The following GPRC5C variants were observed in gnomAD, a reference collection of about 807,000 sequenced individuals.
The protein encoded by GPRC5C is G protein-coupled receptor family C group 5 member C.
In GPRC5C, 22 loss-of-function variants were observed where a neutral mutation model predicts 31.4. The ratio of observed to expected loss-of-function variants is 0.70; its 90% CI spans 0.50 to 1.00. The LOEUF is 1.00. GPRC5C is among the 50% of genes least tolerant of loss of function. GPRC5C has a pLI of 0.00. For missense variants in GPRC5C, 557 were observed against 597.2 expected (o/e 0.93, Z 0.70); for synonymous variants, 249 against 257.5 (o/e 0.97, Z 0.32).
chr17:74,449,550 G>A (rs1005643129), downstream of GPRC5C: 16 of 316,400 alleles, frequency 5.1e-5, no homozygotes, highest in Admixed American at 6.7e-4. Flanking sequence ...AGCGCCTAGG[G>A]CCACCTCCCT....
Position 74,439,680 on chromosome 17 carries a change from A to G in GPRC5C, c.-32-65A>G, listed in dbSNP as rs541379055. The stretch of plus-strand genomic sequence containing the variant: ...TGCCTGGGTTTAGGTTGGGGGAAGC[A>G]GCACCATGTATATTGGAGTCTGATC... On this transcript the variant is annotated intron_variant, in intron 1 of 3. Coordinates refer to ENST00000392627, the MANE Select transcript of GPRC5C (RefSeq NM_022036.4). 1.1e-5 allele frequency: 16 copies of G among 1,456,192 alleles called. No individual in the cohort carries two copies. In the East Asian group the frequency reaches 3.0e-4, roughly 27 times the overall value. 90.2% of individuals were successfully genotyped at this position (1,456,192 alleles called of 1,614,324 possible).
rs1290023415 is a variant in GPRC5C, at chr17:74,438,248, TATATTTG to T, written c.-32-1496_-32-1490del. 1.1e-3 allele frequency among the ~76,000 whole-genome samples: 124 copies of T among 114,150 alleles called. 1 individual carries two copies. Among genetic ancestry groups the T allele is most frequent in the African/African-American group, 4.2e-3 (94 of 22,424 alleles). 74.9% of individuals were successfully genotyped at this position (114,150 alleles called of 152,430 possible). ...ATATATATATATATATATATATATA[TATATTTG>T]TTGTTGTTGTTGTTGTTTGTTTTCA... On this transcript the variant is annotated intron_variant, in intron 1 of 3. Transcript: ENST00000392627.
intron 1 of GPRC5C, among the ~76,000 whole-genome samples, chr17:74,438,227 A>ATG (rs2055468252): frequency 9.0e-6 from 1 of 111,730 alleles, no homozygotes; most frequent in Non-Finnish European, 1.6e-5. Context: ...ATATATATAT[A>ATG]TATATATATA....
At chr17:74,433,600 G>A in intron 1 of GPRC5C, 2 of 900,516 alleles carry the variant, frequency 2.2e-6, no homozygotes, top group East Asian at 2.4e-5. Flanking sequence ...ACCGATAGGA[G>A]TGGAGGCAGG....
Position 74,443,899 on chromosome 17 carries a change from T to C in GPRC5C, c.1133T>C (p.Met378Thr), listed in dbSNP as rs1237761177. The change falls in exon 3 of 4, where the codon ATG becomes ACG. Residue 378 changes from methionine (M) to threonine (T), a missense_variant. Met to Thr is a moderately conservative substitution (Grantham distance 81). Coordinates refer to ENST00000392627, the MANE Select transcript of GPRC5C (RefSeq NM_022036.4). ...SVYQPTEMAL[M>T]HKVPSEGAYD... is the part of the protein sequence containing the mutation. ...TACCAGCCCACTGAGATGGCCCTGA[T>C]GCACAAAGTTCCGGTAAGTGGGTTC... 3 of 1,611,056 alleles carry C rather than the reference T, an allele frequency of 1.9e-6. No homozygotes were observed. Among genetic ancestry groups the C allele is most frequent in the Non-Finnish European group, 2.5e-6 (3 of 1,177,500 alleles).
intron 2 of GPRC5C, among the ~76,000 whole-genome samples, chr17:74,441,214 T>A (rs956786472): frequency 6.6e-6 from 1 of 151,446 alleles, no homozygotes; most frequent in Non-Finnish European, 1.5e-5. Context: ...GAGGCGGAGG[T>A]TGCAGTGAGC....
At chr17:74,449,332 T>C, downstream of GPRC5C, 1 of 1,301,110 alleles carries the variant, frequency 7.7e-7, no homozygotes, top group Non-Finnish European at 1.0e-6. Context: ...CTGGTCACTT[T>C]AGGCTCAGTC....
At position 74,433,762 on chromosome 17, in the gene GPRC5C, G is replaced by T. The variant is rs750304963; in HGVS notation, c.-33+1621G>T. On this transcript the variant is annotated intron_variant, in intron 1 of 3. Transcript: ENST00000392627. ...GAAGACAGCCATTGGCCATGGGTCA[G>T]TGTTGAGTTTGGTTGGCCCTGTGAC... is the stretch of plus-strand genomic sequence containing the variant. 8 of 1,610,502 alleles carry T rather than the reference G, an allele frequency of 5.0e-6. No homozygotes were observed. In the Middle Eastern group the frequency reaches 9.9e-4, roughly 200 times the overall value.
At chr17:74,441,965 GTTTTCTT>G (rs1472988759) in intron 2 of GPRC5C, among the ~76,000 whole-genome samples, 5 of 152,200 alleles carry the variant, frequency 3.3e-5, no homozygotes, top group African/African-American at 9.6e-5. Flanking sequence ...AATCACCTTA[GTTTTCTT>G]TAAAAGGAAG....
intron 1 of GPRC5C, among the ~76,000 whole-genome samples, chr17:74,435,048 T>C (rs1211963216): frequency 3.3e-5 from 5 of 150,104 alleles, no homozygotes; most frequent in Admixed American, 6.7e-5. Flanking sequence ...TGAAACCCCG[T>C]CTCTACTAAA....
At chr17:74,445,501 G>T (rs1461708715) in intron 3 of GPRC5C, 1 of 152,874 alleles carries the variant, frequency 6.5e-6, no homozygotes, top group Non-Finnish European at 1.5e-5. Flanking sequence ...TGGGGACTGT[G>T]TAGGGTCCAG....
intron 3 of GPRC5C, among the ~76,000 whole-genome samples, chr17:74,444,602 A>C (rs2055597433): frequency 1.3e-5 from 2 of 152,006 alleles, no homozygotes; most frequent in South Asian, 4.1e-4. Flanking sequence ...TGGCGTTCTC[A>C]TCCCCCTCCC....
At chr17:74,432,351 C>A (rs1178292968) in intron 1 of GPRC5C, 2 of 1,412,720 alleles carry the variant, frequency 1.4e-6, no homozygotes, top group Non-Finnish European at 1.8e-6. Flanking sequence ...GGCTCAGCCT[C>A]GGTCCCAGGG....
chr17:74,440,161 A>G lies in GPRC5C; in HGVS notation c.385A>G (p.Ile129Val), dbSNP rs1309691304. 14 of 1,614,052 alleles carry G rather than the reference A, an allele frequency of 8.7e-6. No homozygotes were observed. In the Admixed American group the frequency reaches 1.8e-4, roughly 21 times the overall value. Residue 129 changes from isoleucine to valine, a missense_variant, in exon 2 of 4, where the codon ATC (isoleucine) becomes GTC (valine). Ile to Val is a conservative substitution (Grantham distance 29). Coordinates refer to ENST00000392627, the MANE Select transcript of GPRC5C (RefSeq NM_022036.4). This position sits in a 1 kb window ranked among gnomAD's most constrained non-coding sequence, Gnocchi z 4.4. Reference sequence around the variant, plus strand: ...CTTCCTCTTTGGGGTTCTGTTCGCCATCTGCTTCTCTTGTCTGGCGGCTCA... The same window carrying G: ...CTTCCTCTTTGGGGTTCTGTTCGCCGTCTGCTTCTCTTGTCTGGCGGCTCA... ...RRFLFGVLFA[I>V]CFSCLAAHVF...
chr17:74,444,180 G>A (rs1316169946), intron 3 of GPRC5C, among the ~76,000 whole-genome samples: 1 of 152,224 alleles, frequency 6.6e-6, no homozygotes, highest in Non-Finnish European at 1.5e-5. Context: ...GGTTGTGTCG[G>A]GATGCTATAG....
intron 2 of GPRC5C, 193 bp from the exon 3 acceptor site, chr17:74,443,625 A>C: frequency 2.9e-6 from 2 of 694,330 alleles, no homozygotes; most frequent in African/African-American, 1.8e-5. Flanking sequence ...AAGGGGTGCT[A>C]GGCTTGGGAG....
At chr17:74,448,212 G>T (rs932805418), downstream of GPRC5C, among the ~76,000 whole-genome samples, 1 of 151,944 alleles carries the variant, frequency 6.6e-6, no homozygotes, top group African/African-American at 2.4e-5. Context: ...GAGGTGGGAG[G>T]ATCTCTTAAG....
intron 1 of GPRC5C, among the ~76,000 whole-genome samples, chr17:74,434,532 G>T (rs2055403274): frequency 6.6e-6 from 1 of 152,188 alleles, no homozygotes; most frequent in Non-Finnish European, 1.5e-5. Context: ...GCAGGGTCTG[G>T]GGACCCACAG....
intron 1 of GPRC5C, chr17:74,433,680 GCT>G (rs2055388880): frequency 6.2e-7 from 1 of 1,602,646 alleles, no homozygotes; most frequent in Non-Finnish European, 8.5e-7. Context: ...GAAGGCAAGT[GCT>G]CTGTGGTATC....
Sources: gnomAD v4.1 joint callset for allele counts (sites outside exome capture counted in the v4.1 genomes callset) on GRCh38, gnomAD v4.1.1 for gene constraint, Gnocchi (gnomAD v3.1) non-coding constraint, MANE v1.5 for transcripts, NCBI Gene and HGNC (gene_info 2026-07-23, HGNC 2026-07-21) for gene names.